The following DBF4 variants were observed in gnomAD, a reference collection of about 807,000 sequenced individuals.
DBF4 encodes protein DBF4 homolog A.
Under a neutral mutation model 76.6 loss-of-function variants are expected in DBF4, and 25 were observed. That is an observed-to-expected ratio of 0.33 (90% CI 0.24 to 0.46). The LOEUF is 0.46. DBF4 is among the 20% of genes least tolerant of loss of function. The pLI is 1.00. For synonymous variants in DBF4, 213 were observed against 258.0 expected, an observed-to-expected ratio of 0.83 and a Z score of 1.67; for missense variants, 638 against 760.8, an observed-to-expected ratio of 0.84 and a Z score of 1.90.
chr7:87,897,426 T>C, intron 8 of DBF4, 87 bp downstream of exon 8: 1 of 1,229,448 alleles, frequency 8.1e-7, no homozygotes, highest in Non-Finnish European at 1.2e-6. Flanking sequence ...CGATTAGTAC[T>C]GTTAGGTTCC....
intron 2 of DBF4, among the ~76,000 whole-genome samples, 173 bp from the exon 3 acceptor site, chr7:87,884,806 A>T (rs1046479356): frequency 6.6e-6 from 1 of 152,178 alleles, no homozygotes; most frequent in South Asian, 2.1e-4. Context: ...CCTTGGTGGC[A>T]TGTGCCTATA....
chr7:87,886,870 A>G lies in DBF4; in HGVS notation c.426A>G (p.Leu142=). 6.4e-7 allele frequency: 1 copy of G among 1,572,570 alleles called. No individual in the cohort carries two copies. The highest frequency in any genetic ancestry group is 8.7e-7 in the Non-Finnish European group (1 of 1,149,638). The change falls in exon 4 of 12, where the codon TTA becomes TTG. Residue 142 remains leucine, a synonymous_variant. Transcript: ENST00000265728. The stretch of plus-strand genomic sequence containing the variant: ...TGTGTTTAAGCAGAGGAAAATTATT[A>G]GTTGAAAAAGCTATCAAGGACCATG... ...DTVCLSRGKL[L]VEKAIKDHDF...
At chr7:87,896,606 T>C (rs1839645838) in intron 7 of DBF4, 96 bp downstream of exon 7, 3 of 1,093,464 alleles carry the variant, frequency 2.7e-6, no homozygotes, top group South Asian at 2.8e-5. Flanking sequence ...AAATGATTTA[T>C]TCAAGGCTTT....
At position 87,907,604 on chromosome 7, in the gene DBF4, C is replaced by T; in HGVS notation, c.1466C>T (p.Ser489Phe). Residue 489 changes from serine to phenylalanine, a missense_variant, in exon 12 of 12, where the codon TCT (serine) becomes TTT (phenylalanine). Transcript: ENST00000265728. ...CACTATAAATGTAACATACAGGCAT[C>T]TGTACATGTTTCTGATTTCAGTACA... ...VDHYKCNIQA[S>F]VHVSDFSTDN... 3 of 1,614,026 alleles carry T rather than the reference C, an allele frequency of 1.9e-6. No individual in the cohort carries two copies. Among genetic ancestry groups the T allele is most frequent in the Non-Finnish European group, 2.5e-6 (3 of 1,179,940 alleles).
intron 2 of DBF4, 133 bp downstream of exon 2, chr7:87,878,358 A>C (rs1325133875): frequency 2.8e-6 from 2 of 707,398 alleles, no homozygotes; most frequent in African/African-American, 3.7e-5. Context: ...TCAGCTGTTT[A>C]TCGTTAACAA....
At chr7:87,900,671 T>C in intron 9 of DBF4, 93 bp from the exon 10 acceptor site, 1 of 1,038,208 alleles carries the variant, frequency 9.6e-7, no homozygotes, top group African/African-American at 1.6e-5. Flanking sequence ...CTGCAAATTA[T>C]GCAGATTGTG....
At chr7:87,897,016 G>A (rs1160603836) in intron 7 of DBF4, among the ~76,000 whole-genome samples, 1 of 152,190 alleles carries the variant, frequency 6.6e-6, no homozygotes, top group African/African-American at 2.4e-5. Context: ...GGTTAGTGAA[G>A]ACAATAGTGT....
chr7:87,876,821 C>T (rs1303478691), intron 1 of DBF4, 43 bp downstream of exon 1: 10 of 1,605,698 alleles, frequency 6.2e-6, no homozygotes, highest in South Asian at 4.4e-5. Flanking sequence ...TAATCCTTTC[C>T]TCCCCTCGTG....
intron 8 of DBF4, among the ~76,000 whole-genome samples, chr7:87,898,176 CTG>C (rs956507213): frequency 3.3e-5 from 5 of 152,170 alleles, no homozygotes; most frequent in African/African-American, 1.2e-4. Flanking sequence ...ATTTAGACAT[CTG>C]TGGTTAATTC....
At position 87,907,533 on chromosome 7, in the gene DBF4, C is replaced by T. The variant is rs377207959; in HGVS notation, c.1395C>T (p.Ser465=). 3.7e-6 allele frequency: 6 copies of T among 1,614,026 alleles called. No individual in the cohort carries two copies. Among genetic ancestry groups the T allele is most frequent in the East Asian group, 2.2e-5 (1 of 44,868 alleles). Residue 465 remains serine (S), a synonymous_variant, in exon 12 of 12, where the codon TCC becomes TCT. Transcript: ENST00000265728. ...AACAGGAATGCATTCTTGACATTTC[C>T]GAACACACATTAAGTGAAAATGACT... The part of the protein sequence containing the change: ...KNKQECILDI[S]EHTLSENDLE...
intron 10 of DBF4, among the ~76,000 whole-genome samples, chr7:87,903,689 CTTTTTTTTTTTTT>C (rs56740998): frequency 6.1e-5 from 6 of 98,106 alleles, no homozygotes; most frequent in African/African-American, 1.2e-4. Flanking sequence ...CTCTGTATCC[CTTTTTTTTTTTTT>C]TTTTTTTTTT....
chr7:87,893,398 A>G (rs928208766), intron 6 of DBF4, among the ~76,000 whole-genome samples: 19 of 151,400 alleles, frequency 1.3e-4, no homozygotes, highest in Non-Finnish European at 7.4e-5. Context: ...GGCGCCCGCC[A>G]CCGCGCCCGG....
intron 2 of DBF4, among the ~76,000 whole-genome samples, chr7:87,881,993 G>A (rs756048562): frequency 1.3e-5 from 2 of 152,198 alleles, no homozygotes; most frequent in African/African-American, 2.4e-5. Flanking sequence ...TTTGAGCTTA[G>A]GATATAGGTG....
chr7:87,904,776 C>A (rs1271449240), intron 11 of DBF4, among the ~76,000 whole-genome samples: 1 of 151,968 alleles, frequency 6.6e-6, no homozygotes, highest in Non-Finnish European at 1.5e-5. Context: ...GAATATTAAA[C>A]TATTAAACTA....
intron 8 of DBF4, among the ~76,000 whole-genome samples, chr7:87,897,979 T>C (rs1280304273): frequency 3.3e-5 from 5 of 152,170 alleles, no homozygotes; most frequent in Non-Finnish European, 7.4e-5. Context: ...GGTTTCACCA[T>C]GTTGGCCAGG....
intron 10 of DBF4, 124 bp downstream of exon 10, chr7:87,901,002 T>C: frequency 1.3e-6 from 1 of 783,954 alleles, no homozygotes; most frequent in Non-Finnish European, 2.0e-6. Context: ...GAAATGAGTA[T>C]TGAAAATGAA....
chr7:87,902,238 G>T (rs1389289186), intron 10 of DBF4, among the ~76,000 whole-genome samples: 1 of 152,170 alleles, frequency 6.6e-6, no homozygotes. Context: ...CAGATGTTGA[G>T]ATTAGAGGTT....
chr7:87,888,059 G>T lies in DBF4; in HGVS notation c.597G>T (p.Gly199=). 6.5e-7 allele frequency: 1 copy of T among 1,546,178 alleles called. No homozygotes were observed. The highest frequency in any genetic ancestry group is 1.8e-4 in the Middle Eastern group (1 of 5,690). ...AATCAAGTACTTCAGTAAGAGATGG[G>T]GTATGTTTTCTTTTTCAATTTTTAA... ...LKKSSTSVRD[G]GKRVGSGAQK... Residue 199 remains glycine (G), a splice_region_variant and synonymous_variant, in exon 6 of 12, where the codon GGG becomes GGT. Transcript: ENST00000265728.
chr7:87,886,793 C>A, intron 3 of DBF4, 51 bp from the exon 4 acceptor site: 11 of 1,109,488 alleles, frequency 9.9e-6, no homozygotes, highest in Non-Finnish European at 1.5e-5. Context: ...ACCTTTTTAA[C>A]CTGTTCTCCA....
Sources: allele counts gnomAD v4.1 joint callset (sites outside exome capture counted in the v4.1 genomes callset), GRCh38; gene constraint gnomAD v4.1.1; transcripts MANE v1.5; gene names NCBI Gene and HGNC (gene_info 2026-07-23, HGNC 2026-07-21).